Variants in ITGA4 observed in about 807,000 individuals in gnomAD.
The protein encoded by ITGA4 is integrin subunit alpha 4, also known as integrin alpha-4.
Under a neutral mutation model 133.6 loss-of-function variants are expected in ITGA4, and 63 were observed. That is an observed-to-expected ratio of 0.47 (90% CI 0.38 to 0.58). ITGA4 has a LOEUF of 0.58. Ranked by LOEUF, ITGA4 falls within the 20% of genes least tolerant of loss-of-function variation. The pLI is 0.00. For missense variants in ITGA4, 1,076 were observed against 1,252.7 expected, an observed-to-expected ratio of 0.86 and a Z score of 2.13; for synonymous variants, 483 against 438.0, an observed-to-expected ratio of 1.10 and a Z score of -1.28.
chr2:181,499,352 G>A lies in ITGA4; in HGVS notation c.1695+575G>A, dbSNP rs150301192. Among the ~76,000 whole-genome samples, 57 of 152,128 alleles carry A rather than the reference G, an allele frequency of 3.7e-4. No individual in the cohort carries two copies. In the East Asian group the frequency reaches 6.4e-3, roughly 17 times the overall value. On this transcript the variant is annotated intron_variant, in intron 15 of 27. Transcript: ENST00000397033. ...GGGTATGTCCTGCCAAAGCACAGCC[G>A]ATTTCATGTTTCTTTTATTAAAACA... is the stretch of plus-strand genomic sequence containing the variant.
intron 20 of ITGA4, chr2:181,524,472 CATG>C (rs1686792553): frequency 2.5e-6 from 1 of 407,618 alleles, no homozygotes; most frequent in South Asian, 7.3e-5. Flanking sequence ...TTAGAGTAGA[CATG>C]ATGTGTCACG....
intron 10 of ITGA4, chr2:181,493,011 A>G (rs155118): frequency 0.99 from 219,293 of 220,412 alleles, 109,107 homozygotes; most frequent in East Asian, 1. Context: ...AATGGGCCCA[A>G]CCTAGTGTGG....
At chr2:181,530,250 A>G (rs1181462321) in intron 23 of ITGA4, among the ~76,000 whole-genome samples, 1 of 152,240 alleles carries the variant, frequency 6.6e-6, no homozygotes, top group Non-Finnish European at 1.5e-5. Flanking sequence ...ATGTCATGCT[A>G]ATGTTCCAAT....
At chr2:181,504,182 A>C (rs1191912770) in intron 15 of ITGA4, among the ~76,000 whole-genome samples, 1 of 152,088 alleles carries the variant, frequency 6.6e-6, no homozygotes, top group Non-Finnish European at 1.5e-5. Context: ...GCCTGTCCCC[A>C]GAGATATTCT....
At chr2:181,477,105 A>T (rs919894669) in intron 4 of ITGA4, among the ~76,000 whole-genome samples, 2 of 152,166 alleles carry the variant, frequency 1.3e-5, no homozygotes, top group Non-Finnish European at 1.5e-5. Context: ...AAACTTGCAC[A>T]TGAACCCTGA....
chr2:181,535,502 T>A lies in ITGA4; in HGVS notation c.3074T>A (p.Ile1025Asn). The A allele has an allele frequency of 6.2e-7, 1 of 1,609,916 alleles. No homozygotes were observed. Among genetic ancestry groups the A allele is most frequent in the Non-Finnish European group, 8.5e-7 (1 of 1,177,706 alleles). Residue 1025 changes from isoleucine to asparagine, a missense_variant, in exon 28 of 28, where the codon ATC becomes AAC. Transcript: ENST00000397033. ...AACAGAAGAGACAGTTGGAGTTATATCAACAGTAAAAGCAATGATGATTAA... is the reference window on the plus strand; with the variant it reads ...AACAGAAGAGACAGTTGGAGTTATAACAACAGTAAAAGCAATGATGATTAA... ...EENRRDSWSYINSKSNDD is the reference protein window; with the variant it reads ...EENRRDSWSYNNSKSNDD
chr2:181,458,459 A>G (rs766552075), intron 2 of ITGA4, 142 bp downstream of exon 2: 13 of 874,774 alleles, frequency 1.5e-5, no homozygotes, highest in Non-Finnish European at 2.3e-5. Flanking sequence ...ACTCCATCTC[A>G]TCTTGCCTCC....
chr2:181,502,187 A>G (rs1686287842), intron 15 of ITGA4, among the ~76,000 whole-genome samples: 1 of 150,290 alleles, frequency 6.7e-6, no homozygotes, highest in South Asian at 2.1e-4. Flanking sequence ...TTTATAATGC[A>G]GAGGCTGTTG....
intron 15 of ITGA4, among the ~76,000 whole-genome samples, chr2:181,508,415 G>A (rs1686437115): frequency 1.3e-5 from 2 of 152,070 alleles, no homozygotes; most frequent in African/African-American, 4.8e-5. Flanking sequence ...AACAAAAACG[G>A]CTGGGCGCGG....
At chr2:181,504,600 T>A (rs147475777) in intron 15 of ITGA4, among the ~76,000 whole-genome samples, 2 of 152,042 alleles carry the variant, frequency 1.3e-5, no homozygotes. Context: ...ACTAATATTA[T>A]GGTATTCTAA....
At chr2:181,513,010 C>T (rs1686535190) in intron 17 of ITGA4, among the ~76,000 whole-genome samples, 1 of 152,124 alleles carries the variant, frequency 6.6e-6, no homozygotes, top group Admixed American at 6.6e-5. Context: ...TTGAATTCCA[C>T]TCTGAAGCAT....
At chr2:181,470,138 A>C (rs1399273672) in intron 2 of ITGA4, among the ~76,000 whole-genome samples, 1 of 152,184 alleles carries the variant, frequency 6.6e-6, no homozygotes, top group Non-Finnish European at 1.5e-5. Context: ...TTGATGGGAA[A>C]GTAAGTATAA....
intron 4 of ITGA4, chr2:181,475,838 G>T: frequency 6.2e-7 from 1 of 1,603,922 alleles, no homozygotes; most frequent in East Asian, 2.2e-5. Context: ...AGCAAGTACA[G>T]AGCTAGGACA....
At position 181,537,387 on chromosome 2, in the gene ITGA4, G is replaced by T. The variant is rs752738000; in HGVS notation, c.*1860G>T. ...GGGAACACAATTACATATTGGGCTA[G>T]ATTTTGCCCAGTTCAAAATAGTATT... On this transcript the variant is annotated 3_prime_UTR_variant, in exon 28 of 28. Transcript: ENST00000397033. 6.0e-5 allele frequency: 27 copies of T among 452,864 alleles called. No homozygotes were observed. In the East Asian group the frequency reaches 1.7e-3, roughly 29 times the overall value. 28.1% of individuals were successfully genotyped at this position (452,864 alleles called of 1,614,324 possible). A position where few individuals can be genotyped will look rare whatever the true frequency, so the allele number is the denominator to read the frequency against.
At chr2:181,510,161 C>A (rs1686479617) in intron 16 of ITGA4, among the ~76,000 whole-genome samples, 1 of 152,060 alleles carries the variant, frequency 6.6e-6, no homozygotes, top group Admixed American at 6.6e-5. Flanking sequence ...CTCAGTTTAT[C>A]TTCCTCTTCT....
At position 181,535,694 on chromosome 2, in the gene ITGA4, C is replaced by T. The variant is rs201505670; in HGVS notation, c.*167C>T. On this transcript the variant is annotated 3_prime_UTR_variant, in exon 28 of 28. Coordinates refer to ENST00000397033, the MANE Select transcript of ITGA4 (RefSeq NM_000885.6). ...GGGGAAAATCTCAGCAATGATTACT[C>T]TTTGAGATAGAAGAACTGCAAAGGT... is the stretch of plus-strand genomic sequence containing the variant. The T allele has an allele frequency of 1.3e-6, 1 of 786,510 alleles. No homozygotes were observed. Among genetic ancestry groups the T allele is most frequent in the Non-Finnish European group, 1.9e-6 (1 of 534,398 alleles). The allele number at this position is 786,510 out of a possible 1,614,324, so 48.7% of individuals were successfully genotyped here.
In ITGA4 at chr2:181,458,224, T is replaced by G. The variant is rs1685180031; in HGVS notation, c.226T>G (p.Trp76Gly). 1 of 1,613,820 alleles carries G rather than the reference T, an allele frequency of 6.2e-7. No individual in the cohort carries two copies. Among genetic ancestry groups the G allele is most frequent in the Admixed American group, 1.7e-5 (1 of 59,986 alleles). ...CCTAGTGGGTGCGCCCACTGCCAAC[T>G]GGCTCGCCAACGCTTCAGTGATCAA... ...WLLVGAPTAN[W>G]LANASVINPG... The change falls in exon 2 of 28, where the codon TGG (tryptophan) becomes GGG (glycine). Residue 76 changes from tryptophan to glycine, a missense_variant. This residue lies in a region of ITGA4 where 436 missense variants were observed against 590.7 expected (regional missense o/e 0.74). Transcript: ENST00000397033.
At chr2:181,458,739 T>C (rs1047711559) in intron 2 of ITGA4, 43 of 163,692 alleles carry the variant, frequency 2.6e-4, no homozygotes, top group South Asian at 1.2e-3. Context: ...GGAATAGCAA[T>C]TGGAATTGAT....
At chr2:181,520,857 A>G (rs1686703597) in intron 17 of ITGA4, among the ~76,000 whole-genome samples, 1 of 152,162 alleles carries the variant, frequency 6.6e-6, no homozygotes, top group African/African-American at 2.4e-5. Context: ...GAAACTTTCA[A>G]TTCATTCATG....
Sources: allele counts gnomAD v4.1 joint callset (sites outside exome capture counted in the v4.1 genomes callset), GRCh38; gene constraint gnomAD v4.1.1; regional missense constraint gnomAD v4.1.1; transcripts MANE v1.5; gene names NCBI Gene and HGNC (gene_info 2026-07-23, HGNC 2026-07-21).